The following ECHDC2 variants were observed in gnomAD, a reference collection of about 807,000 sequenced individuals.
ECHDC2 encodes enoyl-CoA hydratase domain containing 2.
A neutral mutation model predicts 40.6 loss-of-function variants in ECHDC2; 34 were observed. That is an observed-to-expected ratio of 0.84 (90% CI 0.64 to 1.11). The LOEUF (loss-of-function observed/expected upper bound fraction) is 1.11. ECHDC2 is among the 50% of genes most tolerant of loss of function. ECHDC2 has a pLI of 0.00. For missense variants in ECHDC2, 392 were observed against 400.7 expected, an observed-to-expected ratio of 0.98 and a Z score of 0.19; for synonymous variants, 162 against 166.6, an observed-to-expected ratio of 0.97 and a Z score of 0.21.
intron 1 of ECHDC2, among the ~76,000 whole-genome samples, chr1:52,916,406 T>C (rs961375317): frequency 6.6e-6 from 1 of 152,150 alleles, no homozygotes; most frequent in East Asian, 1.9e-4. Context: ...TACAAGCCCT[T>C]AGCTCAAGCC....
Position 52,911,584 on chromosome 1 carries a change from T to C in ECHDC2, c.259A>G (p.Lys87Glu). The C allele has an allele frequency of 6.2e-7, 1 of 1,613,784 alleles. No homozygotes were observed. The highest frequency in any genetic ancestry group is 8.5e-7 in the Non-Finnish European group (1 of 1,179,912). The stretch of plus-strand genomic sequence containing the variant: ...AACCTACCTGCACAGAACACGCCCT[T>C]CACTCCACTTCTGAAGAGCAGGACA... ...VRVLLFRSGV[K>E]GVFCAGADLK... The change falls in exon 3 of 10, where the codon AAG becomes GAG. Residue 87 changes from lysine (K) to glutamate (E), a missense_variant. Physicochemically the swap from Lys to Glu is moderately conservative, Grantham distance 56. Coordinates refer to ENST00000371522, the MANE Select transcript of ECHDC2 (RefSeq NM_001198961.2).
intron 1 of ECHDC2, among the ~76,000 whole-genome samples, chr1:52,918,373 A>AG (rs961187466): frequency 3.3e-5 from 5 of 151,692 alleles, no homozygotes; most frequent in African/African-American, 1.2e-4. Flanking sequence ...AAAAAAAAAA[A>AG]AAGAAAAGAA....
rs752530332 is a variant in ECHDC2 at position 52,911,588 on chromosome 1, T to C, written c.255A>G (p.Gly85=). Residue 85 remains glycine (G), a synonymous_variant, in exon 3 of 10, where the codon GGA becomes GGG. Transcript: ENST00000371522. ...RQVRVLLFRS[G]VKGVFCAGAD... is the part of the protein sequence containing the mutation. ...TACCTGCACAGAACACGCCCTTCAC[T>C]CCACTTCTGAAGAGCAGGACACGCA... The C allele has an allele frequency of 6.2e-7, 1 of 1,613,826 alleles. No individual in the cohort carries two copies. The highest frequency in any genetic ancestry group is 8.5e-7 in the Non-Finnish European group (1 of 1,179,902).
At chr1:52,902,375 T>A (rs776387805) in intron 7 of ECHDC2, among the ~76,000 whole-genome samples, 2 of 152,086 alleles carry the variant, frequency 1.3e-5, no homozygotes, top group Non-Finnish European at 2.9e-5. Context: ...CAGGCTGGTC[T>A]CAAACTCCTG....
At position 52,904,772 on chromosome 1, in the gene ECHDC2, C is replaced by G; in HGVS notation, c.576G>C (p.Thr192=). The change falls in exon 7 of 10, where the codon ACG becomes ACC. Residue 192 remains threonine (T), a synonymous_variant. Coordinates refer to ENST00000371522, the MANE Select transcript of ECHDC2 (RefSeq NM_001198961.2). ...GVALAKELIF[T]GRRLSGTEAH... The stretch of plus-strand genomic sequence containing the variant: ...CCTCAGTTCCACTCAGTCGTCGGCC[C>G]GTGAAGATGAGCTCCTTCGCCAGGG... 6.2e-7 allele frequency: 1 copy of G among 1,613,098 alleles called. No homozygotes were observed. Among genetic ancestry groups the G allele is most frequent in the Non-Finnish European group, 8.5e-7 (1 of 1,179,948 alleles).
chr1:52,904,843 T>C lies in ECHDC2; in HGVS notation c.515-10A>G, dbSNP rs1393782010. 6.2e-7 allele frequency: 1 copy of C among 1,609,132 alleles called. No individual in the cohort carries two copies. Among genetic ancestry groups the C allele is most frequent in the East Asian group, 2.2e-5 (1 of 44,830 alleles). On this transcript the variant is annotated splice_polypyrimidine_tract_variant and intron_variant, in intron 6 of 9. Coordinates refer to ENST00000371522, the MANE Select transcript of ECHDC2 (RefSeq NM_001198961.2). ...AGCCTCTGAGTCCCTCCTACCAGGATGGAGGGAGCAGGGTGGGAATCAGCA... is the reference window on the plus strand; with the variant it reads ...AGCCTCTGAGTCCCTCCTACCAGGACGGAGGGAGCAGGGTGGGAATCAGCA...
At position 52,904,798 on chromosome 1, in the gene ECHDC2, C is replaced by T. The variant is rs762818889; in HGVS notation, c.550G>A (p.Ala184Thr). Residue 184 changes from alanine (A) to threonine (T), a missense_variant, in exon 7 of 10, where the codon GCC becomes ACC. Coordinates refer to ENST00000371522, the MANE Select transcript of ECHDC2 (RefSeq NM_001198961.2). ...TQRLPRCLGVALAKELIFTGR... is the reference protein window; with the variant it reads ...TQRLPRCLGVTLAKELIFTGR... ...GTGAAGATGAGCTCCTTCGCCAGGG[C>T]CACCCCCAGACAACGGGGCAGCCTC... 6.2e-7 allele frequency: 1 copy of T among 1,612,916 alleles called. No individual in the cohort carries two copies.
chr1:52,903,584 C>T (rs1010816351), intron 7 of ECHDC2, among the ~76,000 whole-genome samples: 1 of 151,594 alleles, frequency 6.6e-6, no homozygotes, highest in African/African-American at 2.4e-5. Context: ...GGATTACAGG[C>T]TCGAACTACC....
In ECHDC2 at chr1:52,896,493, C is replaced by CT. The variant is rs750388755; in HGVS notation, c.*26dup. On this transcript the variant is annotated 3_prime_UTR_variant, in exon 10 of 10. Coordinates refer to ENST00000371522, the MANE Select transcript of ECHDC2 (RefSeq NM_001198961.2). ...GGATCCTGCTCTTCAGGGCATGCAT[C>CT]TCCCATGCTGAAGGTTAAAATGGGG... 3.1e-5 allele frequency: 49 copies of CT among 1,590,502 alleles called. No individual in the cohort carries two copies. Among genetic ancestry groups the CT allele is most frequent in the Admixed American group, 8.3e-5 (5 of 59,984 alleles).
chr1:52,902,953 T>C (rs987441995), intron 7 of ECHDC2, among the ~76,000 whole-genome samples: 1 of 152,222 alleles, frequency 6.6e-6, no homozygotes, highest in African/African-American at 2.4e-5. Flanking sequence ...CCTAGCATTA[T>C]AGGCTAAGAC....
intron 1 of ECHDC2, among the ~76,000 whole-genome samples, chr1:52,918,359 A>G (rs1363666200): frequency 3.5e-5 from 4 of 114,986 alleles, no homozygotes; most frequent in Non-Finnish European, 6.4e-5. Flanking sequence ...CCTACTTATT[A>G]AAAAAAAAAA....
Position 52,896,347 on chromosome 1 carries a change from G to A in ECHDC2, c.*173C>T. On this transcript the variant is annotated 3_prime_UTR_variant, in exon 10 of 10. Transcript: ENST00000371522. ...TAAGGAAGGTAGCAGTAGGTGGTAG[G>A]ATCAGCACCTTGGTTCCAGGCATCA... 1.6e-6 allele frequency: 1 copy of A among 634,764 alleles called. No individual in the cohort carries two copies. The highest frequency in any genetic ancestry group is 2.9e-6 in the Non-Finnish European group (1 of 349,036). 39.3% of individuals were successfully genotyped at this position (634,764 alleles called of 1,614,324 possible).
At chr1:52,917,722 T>C in intron 1 of ECHDC2, 1 of 442,334 alleles carries the variant, frequency 2.3e-6, no homozygotes, top group Non-Finnish European at 4.6e-6. Flanking sequence ...CATCAGACTC[T>C]AATGGAGCTG....
Position 52,908,458 on chromosome 1 carries a change from A to G in ECHDC2, c.278-504T>C, listed in dbSNP as rs79114675. On this transcript the variant is annotated intron_variant, in intron 3 of 9. Transcript: ENST00000371522. The stretch of plus-strand genomic sequence containing the variant: ...GAAGGCTGCAGTGAGCTGAGATCGC[A>G]CCAACTGCACTCCAGCCTCGGTGAC... Among the ~76,000 whole-genome samples, 655 of 152,212 alleles carry G rather than the reference A, an allele frequency of 4.3e-3. 3 individuals carry two copies. Among genetic ancestry groups the G allele is most frequent in the Non-Finnish European group, 5.5e-3 (372 of 68,004 alleles).
Position 52,921,725 on chromosome 1 carries a change from C to T in ECHDC2, c.-52G>A, listed in dbSNP as rs1217063124. The T allele has an allele frequency of 7.0e-7, 1 of 1,429,998 alleles. No individual in the cohort carries two copies. The highest frequency in any genetic ancestry group is 9.1e-7 in the Non-Finnish European group (1 of 1,094,802). 88.6% of individuals were successfully genotyped at this position (1,429,998 alleles called of 1,614,324 possible). A position where few individuals can be genotyped will look rare whatever the true frequency, so the allele number is the denominator to read the frequency against. On this transcript the variant is annotated 5_prime_UTR_variant, in exon 1 of 10. Transcript: ENST00000371522. ...CTTCTCCGGCCCTGCACCGTCTCGG[C>T]TCCCGCTGAGAGCTCGCAGTTCCGG...
intron 5 of ECHDC2, 121 bp from the exon 6 acceptor site, chr1:52,905,211 C>G: frequency 9.1e-7 from 1 of 1,098,210 alleles, no homozygotes; most frequent in Non-Finnish European, 1.3e-6. Flanking sequence ...CATGGTCTGG[C>G]CACAGCCAGG....
intron 5 of ECHDC2, 73 bp downstream of exon 5, chr1:52,906,446 G>A: frequency 5.5e-6 from 7 of 1,261,622 alleles, no homozygotes; most frequent in Non-Finnish European, 7.9e-6. Flanking sequence ...ACTGCAGAAT[G>A]TCCAGACTCA....
chr1:52,917,599 A>T (rs1229470418), intron 1 of ECHDC2: 1 of 456,014 alleles, frequency 2.2e-6, no homozygotes, highest in Non-Finnish European at 4.4e-6. Context: ...CTTGTGGTGG[A>T]GAACCTTAGT....
At chr1:52,896,798 C>T (rs1646663402) in intron 9 of ECHDC2, 2 of 567,550 alleles carry the variant, frequency 3.5e-6, no homozygotes, top group South Asian at 4.4e-5. Context: ...TTTGTATTCT[C>T]TGTGCCCCAT....
Sources: allele counts gnomAD v4.1 joint callset (sites outside exome capture counted in the v4.1 genomes callset), GRCh38; gene constraint gnomAD v4.1.1; transcripts MANE v1.5; gene names NCBI Gene and HGNC (gene_info 2026-07-23, HGNC 2026-07-21).